Variants in LRP1B observed in about 807,000 individuals in gnomAD.
LRP1B encodes LDL receptor related protein 1B.
A neutral mutation model predicts 556.6 loss-of-function variants in LRP1B; 217 were observed. The ratio of observed to expected loss-of-function variants is 0.39; its 90% CI spans 0.35 to 0.44. LRP1B has a LOEUF of 0.44. Among genes scored for constraint, LRP1B ranks in the 20% least tolerant of loss-of-function variants. The pLI is 1.00. For synonymous variants in LRP1B, 2,047 were observed against 1,865.8 expected (o/e 1.10, Z -2.50); for missense variants, 5,053 against 5,620.8 (o/e 0.90, Z 3.23).
chr2:141,773,405 G>GAGCAGA (rs1162399966), intron 2 of LRP1B, among the ~76,000 whole-genome samples: 12 of 152,328 alleles, frequency 7.9e-5, no homozygotes, highest in African/African-American at 2.6e-4. Flanking sequence ...AATGCTGCAG[G>GAGCAGA]AGCAGAAGCA....
chr2:140,509,085 C>CAA (rs1204495272), intron 52 of LRP1B, among the ~76,000 whole-genome samples: 1 of 66,262 alleles, frequency 1.5e-5, no homozygotes, highest in Non-Finnish European at 4.0e-5. Flanking sequence ...CACACACAAA[C>CAA]ACACACACAC....
chr2:140,588,076 A>G (rs1336007742), intron 43 of LRP1B, among the ~76,000 whole-genome samples: 1 of 152,228 alleles, frequency 6.6e-6, no homozygotes, highest in East Asian at 1.9e-4. Flanking sequence ...AAGAATGGAC[A>G]AAAGGAATTT....
intron 1 of LRP1B, among the ~76,000 whole-genome samples, chr2:141,895,658 T>G (rs1262032736): frequency 6.6e-6 from 1 of 152,116 alleles, no homozygotes; most frequent in African/African-American, 2.4e-5. Context: ...AATGTAAAAA[T>G]AAATTTATGA....
At chr2:141,165,454 G>T (rs1370803519) in intron 7 of LRP1B, among the ~76,000 whole-genome samples, 2 of 151,754 alleles carry the variant, frequency 1.3e-5, no homozygotes, top group Non-Finnish European at 2.9e-5. Context: ...AATCCCCATG[G>T]CATATCAGGA....
chr2:142,078,630 A>G (rs777770256), intron 1 of LRP1B, among the ~76,000 whole-genome samples: 3 of 152,150 alleles, frequency 2.0e-5, no homozygotes, highest in Non-Finnish European at 4.4e-5. Context: ...TACATGGAGA[A>G]AGCCTTTAGA....
intron 41 of LRP1B, among the ~76,000 whole-genome samples, chr2:140,655,512 G>A (rs1398798675): frequency 2.0e-5 from 3 of 152,134 alleles, no homozygotes; most frequent in Non-Finnish European, 4.4e-5. Flanking sequence ...TTAAGATAGT[G>A]GTTTCCTTCC....
chr2:141,247,867 T>G (rs1397428799), intron 4 of LRP1B, among the ~76,000 whole-genome samples: 1 of 152,184 alleles, frequency 6.6e-6, no homozygotes, highest in Non-Finnish European at 1.5e-5. Context: ...TTTTAATATC[T>G]GTAGTCCTCT....
chr2:140,644,898 A>AT (rs1225173753), intron 41 of LRP1B, among the ~76,000 whole-genome samples: 2 of 151,946 alleles, frequency 1.3e-5, no homozygotes, highest in Non-Finnish European at 2.9e-5. Flanking sequence ...AATATATATT[A>AT]TTTTTTCTAA....
intron 2 of LRP1B, among the ~76,000 whole-genome samples, chr2:141,559,495 A>G (rs941113245): frequency 2.6e-5 from 4 of 151,774 alleles, no homozygotes; most frequent in Non-Finnish European, 5.9e-5. Context: ...ATTAAAAATG[A>G]TATCATTCAT....
At chr2:141,550,664 C>A (rs1685718179) in intron 2 of LRP1B, among the ~76,000 whole-genome samples, 1 of 152,152 alleles carries the variant, frequency 6.6e-6, no homozygotes, top group African/African-American at 2.4e-5. Flanking sequence ...TCCCACCTCT[C>A]TCCTACTTTT....
rs142615919 is a variant in LRP1B at position 141,204,872 on chromosome 2, G to T, written c.851-16289C>A. Among the ~76,000 whole-genome samples the T allele has an allele frequency of 6.7e-3, 1,024 of 152,108 alleles. 10 individuals carry two copies. The highest frequency in any genetic ancestry group is 0.023 in the African/African-American group (938 of 41,482). ...GAATCTCTTGAACCCAAGAGGTGGG[G>T]TTTGCAGTGAGCCAAGATCATGGCA... On this transcript the variant is annotated intron_variant, in intron 6 of 90. Coordinates refer to ENST00000389484, the MANE Select transcript of LRP1B (RefSeq NM_018557.3).
chr2:140,351,744 G>A (rs1474866000), intron 76 of LRP1B, among the ~76,000 whole-genome samples: 1 of 151,978 alleles, frequency 6.6e-6, no homozygotes, highest in Non-Finnish European at 1.5e-5. Context: ...TGCATACATA[G>A]TTTCTGCAAA....
intron 76 of LRP1B, among the ~76,000 whole-genome samples, chr2:140,352,139 C>T (rs1681988790): frequency 6.6e-6 from 1 of 151,894 alleles, no homozygotes; most frequent in Non-Finnish European, 1.5e-5. Context: ...CTACAATTGC[C>T]CAGAACCCTA....
intron 35 of LRP1B, among the ~76,000 whole-genome samples, chr2:140,725,419 T>C (rs530308986): frequency 6.6e-6 from 1 of 151,788 alleles, no homozygotes; most frequent in South Asian, 2.1e-4. Context: ...GAAATAGAAT[T>C]TCTGGAAACA....
chr2:142,099,512 G>A (rs1451064232), intron 1 of LRP1B, among the ~76,000 whole-genome samples: 1 of 151,770 alleles, frequency 6.6e-6, no homozygotes, highest in Non-Finnish European at 1.5e-5. Flanking sequence ...GATAAGAAAG[G>A]CACCTTCTCT....
At chr2:141,749,553 CA>C (rs1694032071) in intron 2 of LRP1B, among the ~76,000 whole-genome samples, 1 of 152,152 alleles carries the variant, frequency 6.6e-6, no homozygotes, top group East Asian at 1.9e-4. Flanking sequence ...TACCATTACA[CA>C]AAAATGGGGA....
chr2:141,448,789 C>T (rs1681298108), intron 3 of LRP1B, among the ~76,000 whole-genome samples: 1 of 152,180 alleles, frequency 6.6e-6, no homozygotes, highest in Admixed American at 6.5e-5. Context: ...CAGAAATCAC[C>T]CACCTTCTGC....
chr2:141,164,734 T>A (rs968743295), intron 7 of LRP1B, among the ~76,000 whole-genome samples: 2 of 152,016 alleles, frequency 1.3e-5, no homozygotes, highest in Non-Finnish European at 2.9e-5. Context: ...GAAGCAGTTT[T>A]AAATCCCCCA....
chr2:140,800,368 GC>G (rs1690466086), intron 32 of LRP1B, among the ~76,000 whole-genome samples: 2 of 152,024 alleles, frequency 1.3e-5, no homozygotes, highest in Admixed American at 1.3e-4. Context: ...TGCACATTGT[GC>G]ACATGTACCC....
Sources: allele counts gnomAD v4.1 joint callset (sites outside exome capture counted in the v4.1 genomes callset), GRCh38; gene constraint gnomAD v4.1.1; transcripts MANE v1.5; gene names NCBI Gene and HGNC (gene_info 2026-07-23, HGNC 2026-07-21).